The following ZNF536 variants were observed in gnomAD, a reference collection of about 807,000 sequenced individuals.
The protein encoded by ZNF536 is zinc finger protein 536.
In ZNF536, 13 loss-of-function variants were observed where a neutral mutation model predicts 84.5. That is an observed-to-expected ratio of 0.15 (90% CI 0.10 to 0.24). The LOEUF (loss-of-function observed/expected upper bound fraction) is 0.24. ZNF536 is among the 10% of genes least tolerant of loss of function. The pLI is 1.00. For missense variants in ZNF536, 1,536 were observed against 1,747.5 expected, an observed-to-expected ratio of 0.88 and a Z score of 2.16; for synonymous variants, 811 against 742.5, an observed-to-expected ratio of 1.09 and a Z score of -1.50.
intron 1 of ZNF536, among the ~76,000 whole-genome samples, chr19:30,252,718 T>C (rs1599895347): frequency 6.6e-6 from 1 of 152,134 alleles, no homozygotes; most frequent in East Asian, 1.9e-4. Context: ...CTGAGCTGGG[T>C]TGGAGACCAA....
chr19:30,433,200 C>A, intron 1 of ZNF536, among the ~76,000 whole-genome samples: 3 of 152,298 alleles, frequency 2.0e-5, no homozygotes, highest in Admixed American at 2.0e-4. Flanking sequence ...AAGGCTCGGC[C>A]AAGGCCTGTC....
At chr19:30,399,476 A>T (rs962875568) in intron 1 of ZNF536, among the ~76,000 whole-genome samples, 26 of 152,112 alleles carry the variant, frequency 1.7e-4, no homozygotes, top group African/African-American at 4.6e-4. Context: ...TATTTTAGAC[A>T]TGAAGTCTTT....
chr19:30,314,274 C>T (rs924228040), intron 2 of ZNF536, among the ~76,000 whole-genome samples: 28 of 152,152 alleles, frequency 1.8e-4, no homozygotes, highest in African/African-American at 5.1e-4. Flanking sequence ...GAGTCTCGAG[C>T]GGGGCGGTGC....
At chr19:30,372,033 A>G (rs1251365160), upstream of ZNF536, among the ~76,000 whole-genome samples, 6 of 152,060 alleles carry the variant, frequency 3.9e-5, no homozygotes, top group Admixed American at 6.5e-5. Context: ...TCAGAGTAAA[A>G]TTTACCCTTA....
chr19:30,430,202 C>T (rs971153495), intron 1 of ZNF536, among the ~76,000 whole-genome samples: 1 of 152,212 alleles, frequency 6.6e-6, no homozygotes, highest in Non-Finnish European at 1.5e-5. Flanking sequence ...GTCTTCCTCC[C>T]GGCATCCCCG....
intron 2 of ZNF536, among the ~76,000 whole-genome samples, chr19:30,476,925 C>T (rs1181729195): frequency 6.6e-6 from 1 of 152,020 alleles, no homozygotes; most frequent in African/African-American, 2.4e-5. Context: ...GTGGTCCTGC[C>T]TTGGGGCCTT....
intron 1 of ZNF536, among the ~76,000 whole-genome samples, chr19:30,696,204 A>G (rs2051650102): frequency 6.6e-6 from 1 of 152,212 alleles, no homozygotes; most frequent in Non-Finnish European, 1.5e-5. Flanking sequence ...AGCCGGTTTA[A>G]TAAGCACCTC....
At chr19:30,677,969 T>C (rs1038536701) in intron 1 of ZNF536, among the ~76,000 whole-genome samples, 8 of 152,114 alleles carry the variant, frequency 5.3e-5, no homozygotes, top group African/African-American at 1.9e-4. Flanking sequence ...ACTTCCTTCC[T>C]TGGGAGGAGA....
At chr19:30,331,292 TAAAAAAAAAAA>T (rs11324495) in intron 2 of ZNF536, among the ~76,000 whole-genome samples, 3 of 41,720 alleles carry the variant, frequency 7.2e-5, no homozygotes, top group East Asian at 2.0e-3. Context: ...CCCTGTATCT[TAAAAAAAAAAA>T]AAAAAAAAAA....
At chr19:30,634,692 C>A (rs775816044) in intron 1 of ZNF536, among the ~76,000 whole-genome samples, 41 of 152,090 alleles carry the variant, frequency 2.7e-4, no homozygotes, top group Non-Finnish European at 6.0e-4. Context: ...TGCATCCACG[C>A]GTGTGAATGA....
rs894528683 is a variant in ZNF536, at chr19:30,633,236, G to C, written c.170-77521G>C. On this transcript the variant is annotated intron_variant, in intron 1 of 1. Coordinates refer to the ZNF536 transcript ENST00000592773. ...GCTGTCAAACGCTTCCACAGGAATA[G>C]ATAGCTCAGGATGTCGATATTCAAT... is the stretch of plus-strand genomic sequence containing the variant. Among the ~76,000 whole-genome samples, 2 of 152,192 alleles carry C rather than the reference G, an allele frequency of 1.3e-5. 1 individual carries two copies. The highest frequency in any genetic ancestry group is 4.1e-4 in the South Asian group (2 of 4,832).
At chr19:30,594,665 C>A (rs1036053541) in intron 1 of ZNF536, among the ~76,000 whole-genome samples, 3 of 152,074 alleles carry the variant, frequency 2.0e-5, no homozygotes, top group Non-Finnish European at 2.9e-5. Flanking sequence ...CAGGGCACCC[C>A]CTGGGTGAGG....
At chr19:30,339,034 T>C (rs188969007) in intron 2 of ZNF536, among the ~76,000 whole-genome samples, 1 of 152,254 alleles carries the variant, frequency 6.6e-6, no homozygotes, top group East Asian at 1.9e-4. Flanking sequence ...CCCCGGGCTG[T>C]AAAGTTCCGT....
At chr19:30,380,614 T>G (rs1298180305) in intron 1 of ZNF536, among the ~76,000 whole-genome samples, 1 of 152,146 alleles carries the variant, frequency 6.6e-6, no homozygotes, top group Non-Finnish European at 1.5e-5. Context: ...AGCTGTGGCA[T>G]CAGATGTGAG....
intron 1 of ZNF536, among the ~76,000 whole-genome samples, chr19:30,704,066 A>G (rs982573924): frequency 5.3e-5 from 8 of 152,166 alleles, no homozygotes; most frequent in Non-Finnish European, 1.2e-4. Flanking sequence ...GGGTCTTCCT[A>G]TTTGACCAAA....
At chr19:30,463,711 T>C (rs1192492557) in intron 2 of ZNF536, among the ~76,000 whole-genome samples, 1 of 152,180 alleles carries the variant, frequency 6.6e-6, no homozygotes. Flanking sequence ...TTCCCACCGC[T>C]CTTCCTGTAA....
At chr19:30,469,024 AGGGCCCT>A (rs1248947971) in intron 2 of ZNF536, among the ~76,000 whole-genome samples, 4 of 151,976 alleles carry the variant, frequency 2.6e-5, no homozygotes. Context: ...CCCATGACCC[AGGGCCCT>A]GGGGGACTGC....
intron 1 of ZNF536, among the ~76,000 whole-genome samples, chr19:30,240,795 G>A (rs999408871): frequency 2.0e-5 from 3 of 152,232 alleles, no homozygotes; most frequent in Non-Finnish European, 4.4e-5. Context: ...AACAAGAAGT[G>A]AAGGGCACAG....
intron 1 of ZNF536, among the ~76,000 whole-genome samples, chr19:30,384,108 CTT>C (rs1250051062): frequency 5.3e-4 from 26 of 49,262 alleles, no homozygotes; most frequent in Non-Finnish European, 8.9e-4. Context: ...CTCTTTCTTT[CTT>C]TCTTTCTTTC....
Sources: allele counts gnomAD v4.1 joint callset (sites outside exome capture counted in the v4.1 genomes callset), GRCh38; gene constraint gnomAD v4.1.1; transcripts MANE v1.5; gene names NCBI Gene and HGNC (gene_info 2026-07-23, HGNC 2026-07-21).